The following SPATA7 variants were observed in gnomAD, a reference collection of about 807,000 sequenced individuals.
The protein encoded by SPATA7 is spermatogenesis-associated protein 7.
Under a neutral mutation model 51.8 loss-of-function variants are expected in SPATA7, and 43 were observed. The observed-to-expected ratio is 0.83, with a 90% confidence interval of 0.65 to 1.07. The LOEUF (loss-of-function observed/expected upper bound fraction) is 1.07. SPATA7 is among the 50% of genes least tolerant of loss of function. The probability of loss-of-function intolerance (pLI) is 0.00; values close to 1 mark genes in which losing one functional copy is unlikely to be tolerated. For missense variants in SPATA7, 683 were observed against 701.3 expected, an observed-to-expected ratio of 0.97 and a Z score of 0.30; for synonymous variants, 230 against 252.8, an observed-to-expected ratio of 0.91 and a Z score of 0.86.
chr14:88,395,777 A>G (rs1334327056), intron 3 of SPATA7, among the ~76,000 whole-genome samples: 2 of 152,070 alleles, frequency 1.3e-5, no homozygotes, highest in Non-Finnish European at 2.9e-5. Context: ...GTTGATCTAT[A>G]TGTCTATCTT....
chr14:88,467,980 G>C (rs2077390990), intron 4 of SPATA7: 2 of 964,660 alleles, frequency 2.1e-6, no homozygotes, highest in Admixed American at 4.5e-5. Context: ...TGCTTCGCAC[G>C]TTTCCTTCAG....
chr14:88,439,564 A>G (rs2049949220), downstream of SPATA7, among the ~76,000 whole-genome samples: 2 of 152,240 alleles, frequency 1.3e-5, no homozygotes, highest in African/African-American at 2.4e-5. Flanking sequence ...ATTTAAAAAA[A>G]TACAACCCAG....
At chr14:88,396,613 T>C (rs2075886997) in intron 4 of SPATA7, among the ~76,000 whole-genome samples, 1 of 152,204 alleles carries the variant, frequency 6.6e-6, no homozygotes, top group Non-Finnish European at 1.5e-5. Context: ...AATCTCCTTT[T>C]TAAAGGCTGA....
At position 88,469,072 on chromosome 14, in the gene SPATA7, A is replaced by T; in HGVS notation, c.255-775A>T. 6.2e-7 allele frequency: 1 copy of T among 1,608,032 alleles called. No individual in the cohort carries two copies. The highest frequency in any genetic ancestry group is 8.5e-7 in the Non-Finnish European group (1 of 1,175,494). On this transcript the variant is annotated intron_variant, in intron 4 of 4. Coordinates refer to the SPATA7 transcript ENST00000556406. This position sits in a 1 kb window ranked among gnomAD's most constrained non-coding sequence, Gnocchi z 4.3. Reference sequence around the variant, plus strand: ...GTCGAACAGACTGGATCTCTTCAAGATATGCTGTGGAAAATCAATGAAATA... The same window carrying T: ...GTCGAACAGACTGGATCTCTTCAAGTTATGCTGTGGAAAATCAATGAAATA...
intron 8 of SPATA7, 152 bp downstream of exon 8, chr14:88,429,615 G>A: frequency 4.2e-6 from 2 of 481,888 alleles, no homozygotes; most frequent in East Asian, 3.3e-5. Flanking sequence ...GTTTTACCAA[G>A]GAAATTTTAC....
intron 7 of SPATA7, chr14:88,428,346 C>T (rs1025224939): frequency 3.3e-5 from 5 of 152,054 alleles, no homozygotes; most frequent in Non-Finnish European, 4.4e-5. Flanking sequence ...AAATGTCAAA[C>T]ACAGATCCAG....
chr14:88,434,161 T>C (rs1330592199), intron 10 of SPATA7, among the ~76,000 whole-genome samples: 1 of 152,200 alleles, frequency 6.6e-6, no homozygotes, highest in Non-Finnish European at 1.5e-5. Context: ...CAAAATCATA[T>C]GTATTTATGC....
chr14:88,404,613 A>G (rs1243539685), intron 4 of SPATA7, among the ~76,000 whole-genome samples: 4 of 152,148 alleles, frequency 2.6e-5, no homozygotes, highest in African/African-American at 7.2e-5. Context: ...GCTACTCGGG[A>G]GGCTGAGACA....
Position 88,469,382 on chromosome 14 carries a change from AC to A in SPATA7, c.255-464del. The A allele has an allele frequency of 4.2e-6, 4 of 953,400 alleles. No homozygotes were observed. Among genetic ancestry groups the A allele is most frequent in the East Asian group, 2.6e-5 (1 of 38,596 alleles). The allele number at this position is 953,400 out of a possible 1,614,324, so 59.1% of individuals were successfully genotyped here. A position where few individuals can be genotyped will look rare whatever the true frequency, so the allele number is the denominator to read the frequency against. On this transcript the variant is annotated intron_variant, in intron 4 of 4. Coordinates refer to the SPATA7 transcript ENST00000556406. This position sits in a 1 kb window ranked among gnomAD's most constrained non-coding sequence, Gnocchi z 4.3. Reference sequence around the variant, plus strand: ...AAACACTTGTATTCTTTATGTTAAAACAAGTCCGAAGCTTATATGAGATAAC... The same window carrying A: ...AAACACTTGTATTCTTTATGTTAAAAAAGTCCGAAGCTTATATGAGATAAC...
chr14:88,463,030 C>A (rs1317300202), intron 4 of SPATA7, among the ~76,000 whole-genome samples: 1 of 152,034 alleles, frequency 6.6e-6, no homozygotes, highest in Non-Finnish European at 1.5e-5. Context: ...TGGGTAATGT[C>A]AACATTTTTG....
intron 4 of SPATA7, among the ~76,000 whole-genome samples, chr14:88,405,674 A>G (rs2076181846): frequency 6.6e-6 from 1 of 152,210 alleles, no homozygotes; most frequent in Non-Finnish European, 1.5e-5. Context: ...AGTGAGCAAT[A>G]CCATAGGAAA....
intron 5 of SPATA7, among the ~76,000 whole-genome samples, chr14:88,422,775 C>T (rs757952143): frequency 6.6e-6 from 1 of 151,672 alleles, no homozygotes; most frequent in Non-Finnish European, 1.5e-5. Flanking sequence ...TAGTAACTTG[C>T]ACTTTGCCTA....
intron 3 of SPATA7, among the ~76,000 whole-genome samples, chr14:88,395,815 A>G (rs2075863701): frequency 6.6e-6 from 1 of 152,052 alleles, no homozygotes; most frequent in Non-Finnish European, 1.5e-5. Flanking sequence ...TGCCTTAATT[A>G]TTGTAGCATT....
intron 4 of SPATA7, among the ~76,000 whole-genome samples, chr14:88,412,489 C>G (rs2076368696): frequency 6.6e-6 from 1 of 152,002 alleles, no homozygotes; most frequent in South Asian, 2.1e-4. Flanking sequence ...CAGCCTCAAC[C>G]CTTCACGTTT....
chr14:88,390,846 G>A (rs1266460729), intron 1 of SPATA7, among the ~76,000 whole-genome samples: 1 of 152,088 alleles, frequency 6.6e-6, no homozygotes, highest in Admixed American at 6.5e-5. Flanking sequence ...CTCATTTCAT[G>A]ACTATCTTTT....
intron 4 of SPATA7, among the ~76,000 whole-genome samples, chr14:88,460,874 C>A (rs919702959): frequency 2.0e-5 from 3 of 152,164 alleles, no homozygotes; most frequent in African/African-American, 7.2e-5. Context: ...TGGTGACGTA[C>A]AGATGGGGTT....
intron 5 of SPATA7, among the ~76,000 whole-genome samples, chr14:88,423,091 C>T (rs2076690212): frequency 6.6e-6 from 1 of 152,266 alleles, no homozygotes; most frequent in South Asian, 2.1e-4. Flanking sequence ...CCTCAGAACC[C>T]TCCTAAGCCC....
chr14:88,418,427 T>C (rs1471483126), intron 5 of SPATA7, among the ~76,000 whole-genome samples: 1 of 152,212 alleles, frequency 6.6e-6, no homozygotes, highest in Non-Finnish European at 1.5e-5. Flanking sequence ...GTGGTATTTT[T>C]ATTATGTTTC....
At position 88,385,848 on chromosome 14, in the gene SPATA7, G is replaced by A. The variant is rs758468059; in HGVS notation, c.19+11G>A. ...ATGGCAGCCGGAGAGGTAAAGGGCA[G>A]CTGTCAGGGGCTACCGCCGCCTCGC... On this transcript the variant is annotated intron_variant, in intron 1 of 11. Transcript: ENST00000393545. 5.5e-5 allele frequency: 88 copies of A among 1,598,894 alleles called. No homozygotes were observed. The highest frequency in any genetic ancestry group is 7.0e-5 in the Non-Finnish European group (82 of 1,173,636).
Sources: gnomAD v4.1 joint callset for allele counts (sites outside exome capture counted in the v4.1 genomes callset) on GRCh38, gnomAD v4.1.1 for gene constraint, Gnocchi (gnomAD v3.1) non-coding constraint, MANE v1.5 for transcripts, NCBI Gene and HGNC (gene_info 2026-07-23, HGNC 2026-07-21) for gene names.